Variants in TNR observed in about 807,000 individuals in gnomAD.
The protein encoded by TNR is tenascin R, also known as tenascin-R.
In TNR, 45 loss-of-function variants were observed where a neutral mutation model predicts 150.4. That is an observed-to-expected ratio of 0.30 (90% CI 0.24 to 0.38). The LOEUF (loss-of-function observed/expected upper bound fraction) is 0.38, where lower values mean the gene tolerates loss of function less well. Among genes scored for constraint, TNR ranks in the 10% least tolerant of loss-of-function variants. TNR has a pLI of 1.00. For missense variants in TNR, 1,544 were observed against 1,759.1 expected (o/e 0.88, Z 2.19); for synonymous variants, 687 against 678.4 (o/e 1.01, Z -0.20).
chr1:175,498,739 G>A (rs1042718947), intron 2 of TNR, among the ~76,000 whole-genome samples: 5 of 152,222 alleles, frequency 3.3e-5, no homozygotes, highest in Non-Finnish European at 7.3e-5. Context: ...CAGAGTGCAA[G>A]GAGGTGGGGA....
At position 175,322,483 on chromosome 1, in the gene TNR, A is replaced by G. The variant is rs925832282; in HGVS notation, c.*874T>C. On this transcript the variant is annotated 3_prime_UTR_variant, in exon 23 of 23. Transcript: ENST00000367674. ...AGAAGATGAGAATCTTTGGCCCATT[A>G]TAAAGGACTTGGGGCTGGATGCAGT... is the stretch of plus-strand genomic sequence containing the variant. The G allele has an allele frequency of 6.6e-6, 1 of 152,384 alleles. No homozygotes were observed. The highest frequency in any genetic ancestry group is 2.4e-5 in the African/African-American group (1 of 41,580). The allele number at this position is 152,384 out of a possible 1,614,324, so 9.4% of individuals were successfully genotyped here. A position where few individuals can be genotyped will look rare whatever the true frequency, so the allele number is the denominator to read the frequency against.
chr1:175,330,085 T>A lies in TNR; in HGVS notation c.3782A>T (p.Asn1261Ile). Residue 1261 changes from asparagine (N) to isoleucine (I), a missense_variant, in exon 21 of 23, where the codon AAC becomes ATC. Asn to Ile is a moderately radical substitution (Grantham distance 149, BLOSUM62 -3). Around this residue, in one of 2 missense-constraint regions of TNR, gnomAD observed 290 missense variants for 429.7 expected, o/e 0.67. Transcript: ENST00000367674. ...NLYKLRIGSY[N>I]GTAGDSLSYH... is the part of the protein sequence containing the mutation. ...GGAGCCATAGGTACCCGCAGTGCCG[T>A]TGTAGCTTCCTATGCGGAGTTTGTA... 1 of 1,589,800 alleles carries A rather than the reference T, an allele frequency of 6.3e-7. No homozygotes were observed.
chr1:175,428,506 T>C lies in TNR; in HGVS notation c.-63-21729A>G, dbSNP rs1431277819. On this transcript the variant is annotated intron_variant, in intron 2 of 22. Transcript: ENST00000367674. ...AAAAATACATCATCTAATTCAATTT[T>C]CTAAGCAACCCTGGAAGTCGAAGTT... Among the ~76,000 whole-genome samples the C allele has an allele frequency of 2.6e-5, 4 of 152,352 alleles. No homozygotes were observed. The East Asian group carries it at 7.7e-4, about 29-fold the overall frequency.
chr1:175,518,398 T>A (rs1017395337), intron 2 of TNR, among the ~76,000 whole-genome samples: 1 of 152,116 alleles, frequency 6.6e-6, no homozygotes, highest in Non-Finnish European at 1.5e-5. Flanking sequence ...CTCGATCCCA[T>A]CCCCATTCCT....
At chr1:175,338,698 G>C (rs865879611) in intron 18 of TNR, among the ~76,000 whole-genome samples, 1 of 152,140 alleles carries the variant, frequency 6.6e-6, no homozygotes, top group Non-Finnish European at 1.5e-5. Flanking sequence ...TGGCAGAACC[G>C]GTGCACTACA....
intron 2 of TNR, among the ~76,000 whole-genome samples, chr1:175,524,795 G>A (rs956120174): frequency 6.6e-6 from 1 of 152,192 alleles, no homozygotes; most frequent in Non-Finnish European, 1.5e-5. Flanking sequence ...AAGATGTTGA[G>A]AGCAAACACA....
intron 1 of TNR, among the ~76,000 whole-genome samples, chr1:175,682,957 G>T (rs1666082756): frequency 6.6e-6 from 1 of 152,110 alleles, no homozygotes; most frequent in Non-Finnish European, 1.5e-5. Flanking sequence ...CAAAATAGTG[G>T]GGCCGCCATT....
At chr1:175,334,725 T>C (rs1239527461) in intron 20 of TNR, among the ~76,000 whole-genome samples, 1 of 152,194 alleles carries the variant, frequency 6.6e-6, no homozygotes, top group East Asian at 1.9e-4. Flanking sequence ...CCTAGCCCCT[T>C]GCCCACCAAA....
chr1:175,607,640 G>A lies in TNR; in HGVS notation c.-164-79271C>T, dbSNP rs551476293. Among the ~76,000 whole-genome samples, 4 of 152,256 alleles carry A rather than the reference G, an allele frequency of 2.6e-5. No homozygotes were observed. In the East Asian group the frequency reaches 7.7e-4, roughly 29 times the overall value. On this transcript the variant is annotated intron_variant, in intron 1 of 22. Transcript: ENST00000367674. Reference sequence around the variant, plus strand: ...TGCACCAAACACAATACGTTACAGTGGTCAGGACTCAGTAAACATTATGTC... The same window carrying A: ...TGCACCAAACACAATACGTTACAGTAGTCAGGACTCAGTAAACATTATGTC...
intron 17 of TNR, 79 bp downstream of exon 17, chr1:175,355,424 C>G (rs1387584417): frequency 1.4e-5 from 22 of 1,562,496 alleles, no homozygotes; most frequent in Non-Finnish European, 6.1e-6. Context: ...CTCCAATGTC[C>G]TGTGGTCACT....
chr1:175,552,733 T>A (rs1247266505), intron 1 of TNR, among the ~76,000 whole-genome samples: 1 of 152,240 alleles, frequency 6.6e-6, no homozygotes, highest in Admixed American at 6.5e-5. Context: ...ATCTCCCCTG[T>A]CTGTCCACCA....
Position 175,323,283 on chromosome 1 carries a change from C to G in TNR, c.*74G>C. On this transcript the variant is annotated 3_prime_UTR_variant, in exon 23 of 23. Coordinates refer to ENST00000367674, the MANE Select transcript of TNR (RefSeq NM_003285.3). ...TGTTGCAAAACACATTGCTATTACC[C>G]TCCCCCCTTGTTTCATATTATAAAA... The G allele has an allele frequency of 6.3e-7, 1 of 1,579,568 alleles. No individual in the cohort carries two copies. The highest frequency in any genetic ancestry group is 8.6e-7 in the Non-Finnish European group (1 of 1,157,860).
In TNR at chr1:175,561,755, T is replaced by A. The variant is rs141962126; in HGVS notation, c.-164-33386A>T. Among the ~76,000 whole-genome samples the A allele has an allele frequency of 8.2e-4, 125 of 152,334 alleles. 2 individuals carry two copies. In the East Asian group the frequency reaches 0.024, roughly 29 times the overall value. ...TAAGGAAAGAAACTGGTTGGAATGA[T>A]TCGTATTCATTTCTTCCCACATTAG... On this transcript the variant is annotated intron_variant, in intron 1 of 22. Transcript: ENST00000367674.
intron 1 of TNR, among the ~76,000 whole-genome samples, chr1:175,610,113 A>G (rs1663543658): frequency 6.6e-6 from 1 of 152,260 alleles, no homozygotes; most frequent in African/African-American, 2.4e-5. Context: ...CAGGAAAAAT[A>G]TATCTCAGAA....
chr1:175,674,426 GA>G (rs1665801044), intron 1 of TNR, among the ~76,000 whole-genome samples: 2 of 152,156 alleles, frequency 1.3e-5, no homozygotes, highest in African/African-American at 4.8e-5. Flanking sequence ...TATTTGAGCT[GA>G]AAAGCCTCCC....
chr1:175,500,056 C>T (rs74127315), intron 2 of TNR, among the ~76,000 whole-genome samples: 1 of 152,298 alleles, frequency 6.6e-6, no homozygotes, highest in African/African-American at 2.4e-5. Context: ...AATTCTTGTT[C>T]CATGGAAGCC....
At chr1:175,572,456 A>G (rs533060851) in intron 1 of TNR, among the ~76,000 whole-genome samples, 1 of 152,276 alleles carries the variant, frequency 6.6e-6, no homozygotes, top group African/African-American at 2.4e-5. Flanking sequence ...AAATGGACAG[A>G]TAATGTCCCT....
chr1:175,567,738 A>G (rs6693340), intron 1 of TNR, among the ~76,000 whole-genome samples: 16,116 of 152,156 alleles, frequency 0.11, 876 homozygotes, highest in Middle Eastern at 0.14. Flanking sequence ...TCTCCTGTGA[A>G]ATTGCAAGAG....
At chr1:175,554,106 C>T (rs75739345) in intron 1 of TNR, among the ~76,000 whole-genome samples, 4,089 of 152,146 alleles carry the variant, frequency 0.027, 82 homozygotes, top group Non-Finnish European at 0.038. Flanking sequence ...TTCAAAGGCC[C>T]GCTGCATATA....
Sources: allele counts gnomAD v4.1 joint callset (sites outside exome capture counted in the v4.1 genomes callset), GRCh38; gene constraint gnomAD v4.1.1; regional missense constraint gnomAD v4.1.1; transcripts MANE v1.5; gene names NCBI Gene and HGNC (gene_info 2026-07-23, HGNC 2026-07-21).